The following DERA variants were observed in gnomAD, a reference collection of about 807,000 sequenced individuals.
DERA encodes 2-deoxy-D-ribose 5-phosphate aldolase.
In DERA, 15 loss-of-function variants were observed where a neutral mutation model predicts 41.1. That is an observed-to-expected ratio of 0.37 (90% CI 0.24 to 0.56). DERA has a LOEUF of 0.56. DERA is among the 20% of genes least tolerant of loss of function. The pLI, the probability that DERA is intolerant of heterozygous loss-of-function variation, is 0.81. For synonymous variants in DERA, 139 were observed against 137.4 expected (o/e 1.01, Z -0.08); for missense variants, 396 against 403.4 (o/e 0.98, Z 0.16).
rs1002989570 is a variant in DERA at position 16,011,474 on chromosome 12, C to T, written c.638-21068C>T. On this transcript the variant is annotated intron_variant, in intron 6 of 8. Transcript: ENST00000428559. The surrounding 1 kb of genome is among the most constrained non-coding windows in gnomAD (Gnocchi z 4.7). ...TCATTTCTTTTGAGTATTGTATCAA[C>T]GGAGTTTCGATTTTGGAGCATTTCA... Among the ~76,000 whole-genome samples, 2 of 152,038 alleles carry T rather than the reference C, an allele frequency of 1.3e-5. No individual in the cohort carries two copies. Among genetic ancestry groups the T allele is most frequent in the African/African-American group, 2.4e-5 (1 of 41,414 alleles).
At position 15,938,511 on chromosome 12, in the gene DERA, A is replaced by T. The variant is rs1332830317; in HGVS notation, c.32-18425A>T. On this transcript the variant is annotated intron_variant, in intron 1 of 8. Transcript: ENST00000428559. The surrounding 1 kb of genome is among the most constrained non-coding windows in gnomAD (Gnocchi z 4.1). ...ATAAGCTTCTTAGCTGTATCAATCT[A>T]TGTGTCTAAGTTGCATTTTGTGTTT... Among the ~76,000 whole-genome samples the T allele has an allele frequency of 6.6e-6, 1 of 152,154 alleles. No homozygotes were observed. Among genetic ancestry groups the T allele is most frequent in the South Asian group, 2.1e-4 (1 of 4,832 alleles).
intron 7 of DERA, chr12:16,032,965 A>C: frequency 3.6e-6 from 1 of 273,984 alleles, no homozygotes. Context: ...TAACGAACTA[A>C]TTCTGCTGCA....
rs182308796 is a variant in DERA at position 16,013,689 on chromosome 12, G to A, written c.638-18853G>A. ...CTGCTATAAGGATACCCGAAAATGC[G>A]GAAGCAACTTTGGAACTGGTTAACA... is the stretch of plus-strand genomic sequence containing the variant. On this transcript the variant is annotated intron_variant, in intron 6 of 8. Coordinates refer to ENST00000428559, the MANE Select transcript of DERA (RefSeq NM_015954.4). This position sits in a 1 kb window ranked among gnomAD's most constrained non-coding sequence, Gnocchi z 5.8. 1.8e-4 allele frequency among the ~76,000 whole-genome samples: 28 copies of A among 152,304 alleles called. No individual in the cohort carries two copies. Among genetic ancestry groups the A allele is most frequent in the African/African-American group, 4.8e-4 (20 of 41,552 alleles).
chr12:15,934,586 TA>T (rs113493417), intron 1 of DERA, among the ~76,000 whole-genome samples: 67 of 145,334 alleles, frequency 4.6e-4, no homozygotes, highest in African/African-American at 1.4e-3. Flanking sequence ...GACTCTGTCT[TA>T]AAAAAAAAAC....
Position 15,918,101 on chromosome 12 carries a change from C to T in DERA, c.31+6687C>T, listed in dbSNP as rs1175992145. Among the ~76,000 whole-genome samples the T allele has an allele frequency of 6.6e-6, 1 of 152,196 alleles. No homozygotes were observed. The highest frequency in any genetic ancestry group is 1.5e-5 in the Non-Finnish European group (1 of 68,038). On this transcript the variant is annotated intron_variant, in intron 1 of 8. Coordinates refer to ENST00000428559, the MANE Select transcript of DERA (RefSeq NM_015954.4). This position sits in a 1 kb window ranked among gnomAD's most constrained non-coding sequence, Gnocchi z 4.3. Reference sequence around the variant, plus strand: ...GTTCTCCCTTTCCATATTTGAAACACTCCACATGCTTCCCCTGGCCCCAGC... The same window carrying T: ...GTTCTCCCTTTCCATATTTGAAACATTCCACATGCTTCCCCTGGCCCCAGC...
Position 15,959,306 on chromosome 12 carries a change from A to G in DERA, c.278-523A>G, listed in dbSNP as rs543797959. The stretch of plus-strand genomic sequence containing the variant: ...CTATTTGAATTCTAAATTTTTTAAA[A>G]TTTATGAACTTATTTCTTAAAATCA... On this transcript the variant is annotated intron_variant, in intron 3 of 8. Transcript: ENST00000428559. This position sits in a 1 kb window ranked among gnomAD's most constrained non-coding sequence, Gnocchi z 4.5. Among the ~76,000 whole-genome samples the G allele has an allele frequency of 6.6e-6, 1 of 152,290 alleles. No homozygotes were observed. Among genetic ancestry groups the G allele is most frequent in the Admixed American group, 6.5e-5 (1 of 15,300 alleles).
rs144848190 is a variant in DERA, at chr12:15,996,685, G to C, written c.637+14249G>C. On this transcript the variant is annotated intron_variant, in intron 6 of 8. Transcript: ENST00000428559. The surrounding 1 kb of genome is among the most constrained non-coding windows in gnomAD (Gnocchi z 4.7). The stretch of plus-strand genomic sequence containing the variant: ...TGAGATTTTGACATCTCTTTTTTGG[G>C]GGAAACAATTCAAAGCAAAGAGAAA... Among the ~76,000 whole-genome samples, 47 of 152,134 alleles carry C rather than the reference G, an allele frequency of 3.1e-4. No homozygotes were observed. In the East Asian group the frequency reaches 7.3e-3, roughly 24 times the overall value.
chr12:15,946,981 G>A (rs1025074032), intron 1 of DERA, among the ~76,000 whole-genome samples: 2 of 152,132 alleles, frequency 1.3e-5, no homozygotes, highest in Non-Finnish European at 2.9e-5. Flanking sequence ...ATTTCATTAT[G>A]TACCCAGTAG....
At position 15,915,429 on chromosome 12, in the gene DERA, T is replaced by C. The variant is rs535341091; in HGVS notation, c.31+4015T>C. Among the ~76,000 whole-genome samples, 1 of 152,308 alleles carries C rather than the reference T, an allele frequency of 6.6e-6. No homozygotes were observed. The highest frequency in any genetic ancestry group is 2.4e-5 in the African/African-American group (1 of 41,566). The stretch of plus-strand genomic sequence containing the variant: ...TTTCCACTGCAAAGTTAACGTTTAA[T>C]TTTTGGAATGGATATTTATTTATTT... On this transcript the variant is annotated intron_variant, in intron 1 of 8. Transcript: ENST00000428559. This position sits in a 1 kb window ranked among gnomAD's most constrained non-coding sequence, Gnocchi z 4.8.
intron 1 of DERA, 147 bp from the exon 2 acceptor site, chr12:15,956,789 A>G: frequency 1.3e-6 from 1 of 741,790 alleles, no homozygotes; most frequent in Non-Finnish European, 2.4e-6. Context: ...AAGGTTGTTT[A>G]TTTATAGTTG....
In DERA at chr12:15,990,213, G is replaced by A. The variant is rs566337920; in HGVS notation, c.637+7777G>A. ...AAAACCATTTGGTGTAGCTGTAGGG[G>A]AGACAAATGACATTGAGCTGGATTT... On this transcript the variant is annotated intron_variant, in intron 6 of 8. Transcript: ENST00000428559. This position sits in a 1 kb window ranked among gnomAD's most constrained non-coding sequence, Gnocchi z 4.3. 1.3e-5 allele frequency among the ~76,000 whole-genome samples: 2 copies of A among 152,258 alleles called. No homozygotes were observed. Among genetic ancestry groups the A allele is most frequent in the East Asian group, 1.9e-4 (1 of 5,176 alleles).
rs1949055893 is a variant in DERA at position 16,026,750 on chromosome 12, T to G, written c.638-5792T>G. Among the ~76,000 whole-genome samples the G allele has an allele frequency of 6.6e-6, 1 of 152,028 alleles. No homozygotes were observed. The highest frequency in any genetic ancestry group is 2.1e-4 in the South Asian group (1 of 4,828). ...TGCCAAACATTTAAGGAAGATATAATACCAGTCTTCTACAATCTCTTCCGG... is the reference window on the plus strand; with the variant it reads ...TGCCAAACATTTAAGGAAGATATAAGACCAGTCTTCTACAATCTCTTCCGG... On this transcript the variant is annotated intron_variant, in intron 6 of 8. Transcript: ENST00000428559. The surrounding 1 kb of genome is among the most constrained non-coding windows in gnomAD (Gnocchi z 4.4).
In DERA at chr12:16,014,032, G is replaced by A. The variant is rs1565614273; in HGVS notation, c.638-18510G>A. Among the ~76,000 whole-genome samples, 1 of 152,204 alleles carries A rather than the reference G, an allele frequency of 6.6e-6. No individual in the cohort carries two copies. The highest frequency in any genetic ancestry group is 1.5e-5 in the Non-Finnish European group (1 of 68,026). ...TTTCTAAGCAGAAAAGTGTTCAAGA[G>A]GTGACTGGGTGTTCTTAAAAGCATT... On this transcript the variant is annotated intron_variant, in intron 6 of 8. Coordinates refer to ENST00000428559, the MANE Select transcript of DERA (RefSeq NM_015954.4). This position sits in a 1 kb window ranked among gnomAD's most constrained non-coding sequence, Gnocchi z 5.4.
intron 1 of DERA, among the ~76,000 whole-genome samples, chr12:15,955,882 A>T (rs1948534388): frequency 6.6e-6 from 1 of 152,194 alleles, no homozygotes; most frequent in Admixed American, 6.5e-5. Context: ...CTAATGGATA[A>T]CTTTTTTTCC....
At position 15,931,658 on chromosome 12, in the gene DERA, T is replaced by C. The variant is rs972599839; in HGVS notation, c.31+20244T>C. Among the ~76,000 whole-genome samples the C allele has an allele frequency of 5.3e-5, 8 of 152,248 alleles. No individual in the cohort carries two copies. Among genetic ancestry groups the C allele is most frequent in the Non-Finnish European group, 1.0e-4 (7 of 68,040 alleles). ...TGTGGTTTGTCTACACTAAAGCTGA[T>C]GTTCAAATTTGATCCTCAGTGTGGC... On this transcript the variant is annotated intron_variant, in intron 1 of 8. Coordinates refer to ENST00000428559, the MANE Select transcript of DERA (RefSeq NM_015954.4). This position sits in a 1 kb window ranked among gnomAD's most constrained non-coding sequence, Gnocchi z 4.6.
intron 6 of DERA, among the ~76,000 whole-genome samples, chr12:16,006,881 T>C (rs967545247): frequency 1.3e-5 from 2 of 152,236 alleles, no homozygotes; most frequent in African/African-American, 2.4e-5. Context: ...TTGGTTACTT[T>C]AGGCTTGAAA....
intron 1 of DERA, among the ~76,000 whole-genome samples, chr12:15,933,642 T>C (rs1442831620): frequency 1.3e-5 from 2 of 152,180 alleles, no homozygotes; most frequent in Non-Finnish European, 2.9e-5. Context: ...ATATTTTTAC[T>C]CCCACATGTA....
chr12:15,946,180 T>C (rs956955634), intron 1 of DERA, among the ~76,000 whole-genome samples: 26 of 152,212 alleles, frequency 1.7e-4, no homozygotes, highest in African/African-American at 6.3e-4. Flanking sequence ...GATATTGGTC[T>C]AAAATTCTCT....
At chr12:15,968,345 A>G (rs1948637793) in intron 5 of DERA, among the ~76,000 whole-genome samples, 1 of 152,190 alleles carries the variant, frequency 6.6e-6, no homozygotes, top group Non-Finnish European at 1.5e-5. Context: ...ATAAAGTGTT[A>G]TTCTGGTGAA....
Sources: allele counts gnomAD v4.1 joint callset (sites outside exome capture counted in the v4.1 genomes callset), GRCh38; gene constraint gnomAD v4.1.1; non-coding constraint Gnocchi (gnomAD v3.1); transcripts MANE v1.5; gene names NCBI Gene and HGNC (gene_info 2026-07-23, HGNC 2026-07-21).